The following SP7 variants were observed in gnomAD, a reference collection of about 807,000 sequenced individuals.
The protein encoded by SP7 is transcription factor Sp7.
In SP7, 13 loss-of-function variants were observed where a neutral mutation model predicts 27.9. The ratio of observed to expected loss-of-function variants is 0.47; its 90% confidence interval spans 0.30 to 0.74. The LOEUF (loss-of-function observed/expected upper bound fraction) is 0.74, where lower values mean the gene tolerates loss of function less well. SP7 is among the 30% of genes least tolerant of loss of function. SP7 has a pLI of 0.06. For missense variants in SP7, 525 were observed against 558.0 expected (o/e 0.94, Z 0.60); for synonymous variants, 219 against 226.7 (o/e 0.97, Z 0.31).
At chr12:53,330,648 A>C (rs554488491) in intron 2 of SP7, among the ~76,000 whole-genome samples, 1 of 152,336 alleles carries the variant, frequency 6.6e-6, no homozygotes, top group Non-Finnish European at 1.5e-5. Context: ...GAGAGGAAAG[A>C]TGAGGCTCAA....
chr12:53,334,434 A>G (rs1275465197), intron 2 of SP7, among the ~76,000 whole-genome samples: 1 of 152,082 alleles, frequency 6.6e-6, no homozygotes, highest in Non-Finnish European at 1.5e-5. Flanking sequence ...GCCAATGAAC[A>G]CAGGTGTTAA....
Position 53,344,596 on chromosome 12 carries a change from G to A in SP7, c.-34+518C>T, listed in dbSNP as rs2136857161. Among the ~76,000 whole-genome samples, 1 of 152,212 alleles carries A rather than the reference G, an allele frequency of 6.6e-6. No homozygotes were observed. The highest frequency in any genetic ancestry group is 3.4e-3 in the Middle Eastern group (1 of 294). On this transcript the variant is annotated intron_variant, in intron 1 of 1. Transcript: ENST00000547755. The surrounding 1 kb of genome is among the most constrained non-coding windows in gnomAD (Gnocchi z 4.6). ...CAATGCCCCCATCCACCCCCACCTCGCGTGGACGTGTGAGGCAAGAAGGAC... is the reference window on the plus strand; with the variant it reads ...CAATGCCCCCATCCACCCCCACCTCACGTGGACGTGTGAGGCAAGAAGGAC...
chr12:53,344,150 C>T lies in SP7; in HGVS notation c.-34+964G>A, dbSNP rs1944844122. On this transcript the variant is annotated intron_variant, in intron 1 of 1. Transcript: ENST00000547755. The surrounding 1 kb of genome is among the most constrained non-coding windows in gnomAD (Gnocchi z 4.6). The stretch of plus-strand genomic sequence containing the variant: ...ATCAGATGTGAGGGGTGAGTAGTCA[C>T]ACATGACTTCCCTTGATCTGTGTGT... Among the ~76,000 whole-genome samples, 2 of 152,130 alleles carry T rather than the reference C, an allele frequency of 1.3e-5. No homozygotes were observed. Among genetic ancestry groups the T allele is most frequent in the Admixed American group, 1.3e-4 (2 of 15,264 alleles).
upstream of SP7, among the ~76,000 whole-genome samples, chr12:53,337,837 G>C (rs958877949): frequency 2.6e-5 from 4 of 152,100 alleles, no homozygotes; most frequent in African/African-American, 9.7e-5. Flanking sequence ...TGGGAACCAG[G>C]TGGCTGATAG....
At chr12:53,334,277 C>A (rs1201417702) in intron 2 of SP7, among the ~76,000 whole-genome samples, 3 of 151,184 alleles carry the variant, frequency 2.0e-5, no homozygotes, top group Non-Finnish European at 4.4e-5. Context: ...TATCTCACAG[C>A]CTTGTGCACA....
At chr12:53,342,062 A>AC (rs1310287968) in intron 1 of SP7, among the ~76,000 whole-genome samples, 2 of 145,162 alleles carry the variant, frequency 1.4e-5, no homozygotes, top group East Asian at 2.0e-4. Flanking sequence ...CGTCTCAAAA[A>AC]AAAAAACAAA....
rs1565788357 is a variant in SP7, at chr12:53,327,054, C to T, written c.*1092G>A. ...AAGAGCACATCTAAGATGGCAGCTG[C>T]AAGCTCTCCATAACCATGGCAACAG... On this transcript the variant is annotated 3_prime_UTR_variant, in exon 3 of 3. Transcript: ENST00000536324. The T allele has an allele frequency of 2.0e-5, 3 of 152,522 alleles. No homozygotes were observed. The highest frequency in any genetic ancestry group is 2.0e-4 in the Admixed American group (3 of 15,286). 9.4% of individuals were successfully genotyped at this position (152,522 alleles called of 1,614,324 possible).
rs762678110 is a variant in SP7, at chr12:53,328,877, G to A, written c.565C>T (p.Pro189Ser). ...GTGGGCAGCTGGGGGTTCAGTGGAG[G>A]CTGAGCTGGACCTGTGGGCAGTGTC... ...QGTLPTGPAQ[P>S]PLNPQLPTYP... The change falls in exon 3 of 3, where the codon CCT becomes TCT. Residue 189 changes from proline to serine, a missense_variant. Pro to Ser is a moderately conservative substitution (Grantham distance 74). Transcript: ENST00000536324. This position sits in a 1 kb window ranked among gnomAD's most constrained non-coding sequence, Gnocchi z 5.1. 3.7e-5 allele frequency: 59 copies of A among 1,608,794 alleles called. No individual in the cohort carries two copies. In the East Asian group the frequency reaches 1.1e-3, roughly 30 times the overall value.
Position 53,328,679 on chromosome 12 carries a change from C to A in SP7, c.763G>T (p.Gly255Trp). 6.2e-7 allele frequency: 1 copy of A among 1,608,036 alleles called. No homozygotes were observed. Reference protein sequence around the residue: ...GAKPPRGASTGGSGGYGGSGA... With the variant: ...GAKPPRGASTWGSGGYGGSGA... ...CTGCCCCCATATCCACCACTACCCC[C>A]AGTGCTTGCACCCCGTGGGGGTTTG... Residue 255 changes from glycine (G) to tryptophan (W), a missense_variant, in exon 3 of 3, where the codon GGG (glycine) becomes TGG (tryptophan). By Grantham distance (184) the Gly-to-Trp change is radical. Transcript: ENST00000536324. This position sits in a 1 kb window ranked among gnomAD's most constrained non-coding sequence, Gnocchi z 5.1.
chr12:53,341,450 C>T (rs911067807), intron 1 of SP7, among the ~76,000 whole-genome samples: 6 of 152,170 alleles, frequency 3.9e-5, no homozygotes, highest in African/African-American at 1.4e-4. Context: ...TCCTGGATGC[C>T]CGTGTCTAAA....
At position 53,344,219 on chromosome 12, in the gene SP7, T is replaced by C. The variant is rs181280123; in HGVS notation, c.-34+895A>G. ...ACAGGATATGCAGGCATTTTAGAGG[T>C]ATCTATTCAGTTCTGAGAATGGCTC... On this transcript the variant is annotated intron_variant, in intron 1 of 1. Coordinates refer to the SP7 transcript ENST00000547755. This position sits in a 1 kb window ranked among gnomAD's most constrained non-coding sequence, Gnocchi z 4.6. 6.6e-6 allele frequency among the ~76,000 whole-genome samples: 1 copy of C among 152,012 alleles called. No homozygotes were observed. Among genetic ancestry groups the C allele is most frequent in the Non-Finnish European group, 1.5e-5 (1 of 67,956 alleles).
At position 53,329,392 on chromosome 12, in the gene SP7, A is replaced by AG; in HGVS notation, c.49dup (p.Leu17ProfsTer15). 1 of 1,613,988 alleles carries AG rather than the reference A, an allele frequency of 6.2e-7. No individual in the cohort carries two copies. The highest frequency in any genetic ancestry group is 2.2e-5 in the East Asian group (1 of 44,884). On this transcript the variant is annotated frameshift_variant, in exon 3 of 3. Transcript: ENST00000536324. LOFTEE classifies it high-confidence loss of function. ...GCTGCACGCTGCCGTCAGCATGGCC[A>AG]GGGGACTGGAGCCATAGTGAACTTC...
chr12:53,342,497 A>G (rs1274921133), intron 1 of SP7, among the ~76,000 whole-genome samples: 1 of 152,104 alleles, frequency 6.6e-6, no homozygotes, highest in Non-Finnish European at 1.5e-5. Flanking sequence ...ACTAATACAA[A>G]AGAGTAGGAA....
chr12:53,335,718 G>T, intron 1 of SP7, 25 bp from the exon 2 acceptor site: 1 of 1,359,712 alleles, frequency 7.4e-7, no homozygotes, highest in Non-Finnish European at 9.7e-7. Flanking sequence ...GGGGGGGGTA[G>T]AGAGAGAAAA....
At chr12:53,333,151 G>A (rs1014557789) in intron 2 of SP7, among the ~76,000 whole-genome samples, 3 of 152,212 alleles carry the variant, frequency 2.0e-5, no homozygotes, top group African/African-American at 7.2e-5. Context: ...GGCTGAGCAC[G>A]TGGCTAAGTT....
upstream of SP7, among the ~76,000 whole-genome samples, chr12:53,338,898 T>C (rs1313340569): frequency 1.3e-5 from 2 of 152,186 alleles, no homozygotes; most frequent in Non-Finnish European, 2.9e-5. Context: ...AAAATAGTCC[T>C]GCAGCCCAGC....
intron 2 of SP7, among the ~76,000 whole-genome samples, chr12:53,333,699 G>A (rs539459588): frequency 1.3e-5 from 1 of 78,524 alleles, no homozygotes; most frequent in Non-Finnish European, 2.8e-5. Flanking sequence ...TCACTTGGCC[G>A]AGGTGAGCCC....
rs540458209 is a variant in SP7 at position 53,335,101 on chromosome 12, A to G, written c.21+525T>C. Reference sequence around the variant, plus strand: ...TCATAGCCTACCTCCTCTCCTCCACACACCAGCTCACGGGCCCAGCCCCCT... The same window carrying G: ...TCATAGCCTACCTCCTCTCCTCCACGCACCAGCTCACGGGCCCAGCCCCCT... On this transcript the variant is annotated intron_variant, in intron 2 of 2. Transcript: ENST00000536324. Among the ~76,000 whole-genome samples the G allele has an allele frequency of 6.6e-5, 10 of 151,250 alleles. No individual in the cohort carries two copies. In the East Asian group the frequency reaches 1.9e-3, roughly 29 times the overall value.
chr12:53,336,762 G>A (rs554690070), upstream of SP7, among the ~76,000 whole-genome samples: 21 of 152,152 alleles, frequency 1.4e-4, no homozygotes, highest in Non-Finnish European at 2.9e-4. Flanking sequence ...GTGTGTGTGT[G>A]TGTGTATGTT....
Sources: gnomAD v4.1 joint callset for allele counts (sites outside exome capture counted in the v4.1 genomes callset) on GRCh38, gnomAD v4.1.1 for gene constraint, Gnocchi (gnomAD v3.1) non-coding constraint, MANE v1.5 for transcripts, NCBI Gene and HGNC (gene_info 2026-07-23, HGNC 2026-07-21) for gene names.